Variants in KIF21A observed in about 807,000 individuals in gnomAD.
KIF21A encodes kinesin family member 21A.
Under a neutral mutation model 202.9 loss-of-function variants are expected in KIF21A, and 114 were observed. That is an observed-to-expected ratio of 0.56 (90% CI 0.48 to 0.66). KIF21A has a LOEUF of 0.66. KIF21A is among the 30% of genes least tolerant of loss of function. KIF21A has a pLI of 0.00. For missense variants in KIF21A, 1,677 were observed against 1,994.9 expected (o/e 0.84, Z 3.04); for synonymous variants, 667 against 670.8 (o/e 0.99, Z 0.09).
intron 1 of KIF21A, among the ~76,000 whole-genome samples, chr12:39,401,868 A>G (rs574486252): frequency 6.6e-6 from 1 of 152,346 alleles, no homozygotes; most frequent in South Asian, 2.1e-4. Flanking sequence ...CTGTAGAAAT[A>G]CATGAAAACC....
chr12:39,303,559 G>A (rs2037144636), intron 35 of KIF21A, among the ~76,000 whole-genome samples: 1 of 152,150 alleles, frequency 6.6e-6, no homozygotes. Context: ...ATAAACCTGT[G>A]CCCTTTTTTT....
intron 27 of KIF21A, 139 bp from the exon 28 acceptor site, chr12:39,320,152 T>C (rs1945051631): frequency 3.3e-6 from 2 of 608,750 alleles, no homozygotes; most frequent in Non-Finnish European, 5.8e-6. Context: ...AAAATAAAAC[T>C]AACATAGGAA....
rs117845541 is a variant in KIF21A, at chr12:39,306,346, C to A, written c.4442+1219G>T. 1.8e-3 allele frequency among the ~76,000 whole-genome samples: 273 copies of A among 152,280 alleles called. 1 individual carries two copies. The highest frequency in any genetic ancestry group is 3.1e-3 in the Non-Finnish European group (210 of 68,000). On this transcript the variant is annotated intron_variant, in intron 34 of 37. Coordinates refer to ENST00000361418, the MANE Select transcript of KIF21A (RefSeq NM_001173464.2). ...TTTTGACTATTTCTTCTATGGTGCT[C>A]TTACTATGAGTCAGATTAAATATCT...
chr12:39,441,665 A>AAAAAAAAAAAAAAAAAAC (rs750932776), intron 1 of KIF21A, among the ~76,000 whole-genome samples: 1 of 121,354 alleles, frequency 8.2e-6, no homozygotes, highest in East Asian at 3.6e-4. Flanking sequence ...GGTGGTAAAA[A>AAAAAAAAAAAAAAAAAAC]AAAAAAAAAA....
At chr12:39,329,692 T>C (rs796862010) in intron 24 of KIF21A, among the ~76,000 whole-genome samples, 2 of 152,292 alleles carry the variant, frequency 1.3e-5, no homozygotes, top group African/African-American at 4.8e-5. Context: ...AAAGTGCTAG[T>C]TATAATGCCA....
chr12:39,422,162 C>T (rs924056828), intron 1 of KIF21A, among the ~76,000 whole-genome samples: 1 of 151,358 alleles, frequency 6.6e-6, no homozygotes, highest in Non-Finnish European at 1.5e-5. Flanking sequence ...GGTTTCATTA[C>T]GTTGCCCAGG....
At chr12:39,398,898 A>C (rs1951957598) in intron 1 of KIF21A, among the ~76,000 whole-genome samples, 1 of 149,750 alleles carries the variant, frequency 6.7e-6, no homozygotes, top group Non-Finnish European at 1.5e-5. Context: ...AAATAACACA[A>C]TAAAAAAACA....
intron 27 of KIF21A, chr12:39,321,815 A>G (rs1351117395): frequency 6.6e-6 from 1 of 152,204 alleles, no homozygotes; most frequent in East Asian, 1.9e-4. Context: ...TCATTCCATA[A>G]ATTATCTGCT....
At chr12:39,399,205 A>G (rs1265853906) in intron 1 of KIF21A, among the ~76,000 whole-genome samples, 1 of 152,234 alleles carries the variant, frequency 6.6e-6, no homozygotes, top group East Asian at 1.9e-4. Flanking sequence ...AAAATATAGT[A>G]TAACAATTAT....
At chr12:39,418,457 A>G (rs983280646) in intron 1 of KIF21A, among the ~76,000 whole-genome samples, 2 of 152,192 alleles carry the variant, frequency 1.3e-5, no homozygotes, top group Non-Finnish European at 2.9e-5. Context: ...ACAATATAGG[A>G]CTTCCTAGAA....
intron 12 of KIF21A, among the ~76,000 whole-genome samples, 180 bp downstream of exon 12, chr12:39,346,286 A>G (rs1005360483): frequency 6.6e-6 from 1 of 152,110 alleles, no homozygotes; most frequent in Non-Finnish European, 1.5e-5. Context: ...ATTCTTAAAA[A>G]GTATTTTCTT....
Position 39,337,278 on chromosome 12 carries a change from G to GT in KIF21A, c.2311-76dup. The GT allele has an allele frequency of 1.6e-5, 15 of 950,596 alleles. No individual in the cohort carries two copies. The South Asian group carries it at 1.8e-4, about 12-fold the overall frequency. 58.9% of individuals were successfully genotyped at this position (950,596 alleles called of 1,614,324 possible). A position where few individuals can be genotyped will look rare whatever the true frequency, so the allele number is the denominator to read the frequency against. ...CATTAAATCAACCACATATATGGAA[G>GT]TAAGTTCTTAGAATTCTGAATACTT... On this transcript the variant is annotated intron_variant, in intron 16 of 37. Transcript: ENST00000361418.
intron 1 of KIF21A, among the ~76,000 whole-genome samples, chr12:39,374,643 C>G (rs1247857931): frequency 6.6e-6 from 1 of 152,148 alleles, no homozygotes; most frequent in Admixed American, 6.5e-5. Context: ...TGACTTACCC[C>G]TATAAACTAC....
At position 39,442,976 on chromosome 12, in the gene KIF21A, C is replaced by T. The variant is rs1453290503; in HGVS notation, c.-6G>A. On this transcript the variant is annotated 5_prime_UTR_variant, in exon 1 of 38. Coordinates refer to ENST00000361418, the MANE Select transcript of KIF21A (RefSeq NM_001173464.2). The surrounding 1 kb of genome is among the most constrained non-coding windows in gnomAD (Gnocchi z 5.0). ...TCGTCCGGGGCGCCCAACATGCTGGCGGCGGGCAGCGATCGAGCCGTTGGG... is the reference window on the plus strand; with the variant it reads ...TCGTCCGGGGCGCCCAACATGCTGGTGGCGGGCAGCGATCGAGCCGTTGGG... 1 of 1,519,660 alleles carries T rather than the reference C, an allele frequency of 6.6e-7. No individual in the cohort carries two copies. 94.1% of individuals were successfully genotyped at this position (1,519,660 alleles called of 1,614,324 possible).
At chr12:39,296,625 A>T (rs1033210877) in intron 37 of KIF21A, among the ~76,000 whole-genome samples, 1 of 152,218 alleles carries the variant, frequency 6.6e-6, no homozygotes, top group African/African-American at 2.4e-5. Flanking sequence ...ACTGAGGAAG[A>T]AAGACTTGCA....
intron 1 of KIF21A, among the ~76,000 whole-genome samples, chr12:39,370,896 G>A (rs1177554004): frequency 6.6e-6 from 1 of 151,994 alleles, no homozygotes; most frequent in Non-Finnish European, 1.5e-5. Context: ...CAGTATCCAT[G>A]AAAGATTGGT....
chr12:39,393,864 T>C (rs1398773676), intron 1 of KIF21A, among the ~76,000 whole-genome samples: 1 of 152,200 alleles, frequency 6.6e-6, no homozygotes, highest in Non-Finnish European at 1.5e-5. Context: ...TTTCATGTAA[T>C]GTCATTTAAC....
At chr12:39,402,354 T>A (rs1952230264) in intron 1 of KIF21A, among the ~76,000 whole-genome samples, 1 of 152,062 alleles carries the variant, frequency 6.6e-6, no homozygotes, top group South Asian at 2.1e-4. Flanking sequence ...GTTTGTTAGG[T>A]TTAGAAACAT....
chr12:39,344,046 A>G (rs1046957114), intron 12 of KIF21A, among the ~76,000 whole-genome samples: 1 of 152,234 alleles, frequency 6.6e-6, no homozygotes, highest in African/African-American at 2.4e-5. Flanking sequence ...TTAACTGGAA[A>G]TGAATGAAGT....
Sources: gnomAD v4.1 joint callset for allele counts (sites outside exome capture counted in the v4.1 genomes callset) on GRCh38, gnomAD v4.1.1 for gene constraint, Gnocchi (gnomAD v3.1) non-coding constraint, MANE v1.5 for transcripts, NCBI Gene and HGNC (gene_info 2026-07-23, HGNC 2026-07-21) for gene names.